Variants in PRDM2 observed in about 807,000 individuals in gnomAD.
PRDM2 encodes the protein PR domain zinc finger protein 2.
In PRDM2, 30 loss-of-function variants were observed where a neutral mutation model predicts 130.0. The observed-to-expected ratio is 0.23, with a 90% CI of 0.17 to 0.31. The LOEUF is 0.31. Ranked by LOEUF, PRDM2 falls within the 10% of genes least tolerant of loss-of-function variation. PRDM2 has a pLI of 1.00. For synonymous variants in PRDM2, 871 were observed against 782.4 expected (o/e 1.11, Z -1.89); for missense variants, 2,011 against 2,108.4 (o/e 0.95, Z 0.90).
chr1:13,818,985 G>C (rs867044505), intron 9 of PRDM2, among the ~76,000 whole-genome samples: 3 of 152,184 alleles, frequency 2.0e-5, no homozygotes, highest in Admixed American at 6.5e-5. Flanking sequence ...CAAGAGAAGA[G>C]ACATAGGACG....
chr1:13,773,059 A>C lies in PRDM2; in HGVS notation c.512-19A>C. On this transcript the variant is annotated intron_variant, in intron 6 of 9. Coordinates refer to ENST00000311066, the MANE Select transcript of PRDM2 (RefSeq NM_001393986.1). The stretch of plus-strand genomic sequence containing the variant: ...TAAAAAAAAAATGAATGAATAAATT[A>C]AAAAAAATTGTGTTTCAGGGAAGAA... 7.5e-7 allele frequency: 1 copy of C among 1,336,296 alleles called. No homozygotes were observed. The highest frequency in any genetic ancestry group is 1.5e-5 in the South Asian group (1 of 66,202). The allele number at this position is 1,336,296 out of a possible 1,614,324, so 82.8% of individuals were successfully genotyped here.
chr1:13,785,477 A>G (rs767323197), intron 8 of PRDM2, among the ~76,000 whole-genome samples: 9 of 152,152 alleles, frequency 5.9e-5, no homozygotes, highest in Non-Finnish European at 1.0e-4. Context: ...CATGCTTGCA[A>G]TCAGCCATAT....
At chr1:13,732,712 G>A (rs1267233171) in intron 3 of PRDM2, 67 bp from the exon 4 acceptor site, 7 of 1,160,220 alleles carry the variant, frequency 6.0e-6, no homozygotes, top group African/African-American at 1.6e-5. Context: ...AAACTTAAGC[G>A]ATTTTAATGG....
intron 5 of PRDM2, among the ~76,000 whole-genome samples, chr1:13,743,399 C>CAAA (rs70984282): frequency 9.6e-5 from 4 of 41,780 alleles, no homozygotes; most frequent in Non-Finnish European, 1.3e-4. Flanking sequence ...GACTCTGTCT[C>CAAA]AAAAAAAAAA....
rs1570109098 is a variant in PRDM2, at chr1:13,809,075, C to T, written c.5037-7352C>T. On this transcript the variant is annotated intron_variant, in intron 8 of 9. Transcript: ENST00000311066. ...AGTGAGGAGCCGAGGCTACAGGCCA[C>T]TGGGAAATGGGGTCTACCCAGATTA... 2.0e-5 allele frequency among the ~76,000 whole-genome samples: 3 copies of T among 152,306 alleles called. No homozygotes were observed. The East Asian group carries it at 5.8e-4, about 29-fold the overall frequency.
Position 13,778,804 on chromosome 1 carries a change from G to GTAA in PRDM2, c.1010_1012dup (p.Val337_Thr338insIle). 5 of 1,614,132 alleles carry GTAA rather than the reference G, an allele frequency of 3.1e-6. No individual in the cohort carries two copies. Among genetic ancestry groups the GTAA allele is most frequent in the Non-Finnish European group, 4.2e-6 (5 of 1,180,024 alleles). On this transcript the variant is annotated inframe_insertion, in exon 8 of 10. Coordinates refer to ENST00000311066, the MANE Select transcript of PRDM2 (RefSeq NM_001393986.1). ...AGAAACTCTTGAAGACTGCTCAGAGGTAACACCTGCCATGCAAATCCCCAG... is the reference window on the plus strand; with the variant it reads ...AGAAACTCTTGAAGACTGCTCAGAGGTAATAACACCTGCCATGCAAATCCCCAG...
intron 9 of PRDM2, among the ~76,000 whole-genome samples, chr1:13,818,059 G>A (rs1484651052): frequency 3.9e-5 from 6 of 152,188 alleles, no homozygotes; most frequent in African/African-American, 1.4e-4. Flanking sequence ...GGAGGGAGGG[G>A]ACTGGCCACC....
intron 8 of PRDM2, among the ~76,000 whole-genome samples, chr1:13,804,211 TTGTCCCCAC>T (rs1645053559): frequency 6.6e-6 from 1 of 152,156 alleles, no homozygotes; most frequent in African/African-American, 2.4e-5. Context: ...GTCAACTGTG[TTGTCCCCAC>T]TGTCCCCACC....
chr1:13,757,778 C>CTTTTTTTTTT (rs34501705), intron 6 of PRDM2, among the ~76,000 whole-genome samples: 4 of 105,894 alleles, frequency 3.8e-5, no homozygotes, highest in South Asian at 3.4e-4. Flanking sequence ...AGGTGGATAG[C>CTTTTTTTTTT]TTTTTTTTTT....
Position 13,779,342 on chromosome 1 carries a change from G to A in PRDM2, c.1547G>A (p.Arg516Gln), listed in dbSNP as rs781259901. 27 of 1,614,060 alleles carry A rather than the reference G, an allele frequency of 1.7e-5. No individual in the cohort carries two copies. The highest frequency in any genetic ancestry group is 2.3e-5 in the Non-Finnish European group (27 of 1,179,988). ...CGTCATCTGATTCCCAAAGGTGTAC[G>A]GCGAAAAGGAGGCCTTGAAGAGCCC... ...HERHLIPKGV[R>Q]RKGGLEEPQP... The change falls in exon 8 of 10, where the codon CGG becomes CAG. Residue 516 changes from arginine to glutamine, a missense_variant. By Grantham distance (43) the Arg-to-Gln change is conservative (BLOSUM62 1). This residue lies in a region of PRDM2 where 1,288 missense variants were observed against 1,237.7 expected (regional missense o/e 1.04). Transcript: ENST00000311066. The surrounding 1 kb of genome is among the most constrained non-coding windows in gnomAD (Gnocchi z 4.9).
chr1:13,804,493 G>A (rs1197130442), intron 8 of PRDM2, among the ~76,000 whole-genome samples: 5 of 152,118 alleles, frequency 3.3e-5, no homozygotes, highest in African/African-American at 7.2e-5. Context: ...ATGCTCTTGC[G>A]GCGTCTGCAT....
At chr1:13,813,281 GCTAA>G (rs1331437855) in intron 8 of PRDM2, among the ~76,000 whole-genome samples, 10 of 152,180 alleles carry the variant, frequency 6.6e-5, no homozygotes, top group Admixed American at 5.2e-4. Flanking sequence ...GAGGCTCTGC[GCTAA>G]CTGCTACTGT....
intron 8 of PRDM2, among the ~76,000 whole-genome samples, chr1:13,808,848 C>T (rs2100750123): frequency 6.6e-6 from 1 of 152,322 alleles, no homozygotes; most frequent in East Asian, 1.9e-4. Context: ...GAGAAACTGC[C>T]CGTGTGGGGG....
intron 8 of PRDM2, among the ~76,000 whole-genome samples, chr1:13,814,197 A>C (rs1570123357): frequency 6.6e-6 from 1 of 152,182 alleles, no homozygotes; most frequent in Non-Finnish European, 1.5e-5. Context: ...GCCAGCTAGA[A>C]TGGGGTTGGC....
chr1:13,741,979 G>A, intron 4 of PRDM2, 26 bp from the exon 5 acceptor site: 2 of 1,507,040 alleles, frequency 1.3e-6, no homozygotes, highest in Non-Finnish European at 1.8e-6. Context: ...TTTAACAAAA[G>A]TTTTTTACTT....
At chr1:13,745,466 C>G (rs1383687256) in intron 5 of PRDM2, among the ~76,000 whole-genome samples, 1 of 151,408 alleles carries the variant, frequency 6.6e-6, no homozygotes, top group African/African-American at 2.4e-5. Context: ...GCTCTGTCGC[C>G]CAGGCTGGAG....
At chr1:13,703,258 G>A (rs372194874) in intron 1 of PRDM2, among the ~76,000 whole-genome samples, 2 of 152,304 alleles carry the variant, frequency 1.3e-5, no homozygotes, top group South Asian at 4.1e-4. Flanking sequence ...TGTGGAGGAC[G>A]ATCCTGTACA....
At chr1:13,726,037 G>T (rs1642905119) in intron 2 of PRDM2, among the ~76,000 whole-genome samples, 1 of 152,226 alleles carries the variant, frequency 6.6e-6, no homozygotes, top group Admixed American at 6.5e-5. Context: ...CCACCTGCTG[G>T]CTGGGACTAT....
intron 9 of PRDM2, 54 bp downstream of exon 9, chr1:13,816,624 G>A (rs1645263027): frequency 3.8e-6 from 6 of 1,586,448 alleles, no homozygotes; most frequent in Non-Finnish European, 5.2e-6. Context: ...TCAAGGGGGT[G>A]TGGGCTTGGG....
Sources: allele counts gnomAD v4.1 joint callset (sites outside exome capture counted in the v4.1 genomes callset), GRCh38; gene constraint gnomAD v4.1.1; regional missense constraint gnomAD v4.1.1; non-coding constraint Gnocchi (gnomAD v3.1); transcripts MANE v1.5; gene names NCBI Gene and HGNC (gene_info 2026-07-23, HGNC 2026-07-21).